AUTS2: variants seen among roughly 807,000 people sequenced by gnomAD.
AUTS2 encodes the protein autism susceptibility gene 2 protein.
AUTS2 carries 17 observed loss-of-function variants against 112.4 expected under a neutral mutation model. The observed-to-expected ratio is 0.15, with a 90% CI of 0.10 to 0.23. The LOEUF is 0.23. Ranked by LOEUF, AUTS2 falls within the 10% of genes least tolerant of loss-of-function variation. The pLI, the probability that AUTS2 is intolerant of heterozygous loss-of-function variation, is 1.00. For missense variants in AUTS2, 1,510 were observed against 1,701.6 expected (o/e 0.89, Z 1.98); for synonymous variants, 751 against 702.7 (o/e 1.07, Z -1.09).
chr7:70,603,585 G>A (rs1803584329), intron 5 of AUTS2, among the ~76,000 whole-genome samples: 1 of 152,160 alleles, frequency 6.6e-6, no homozygotes, highest in Non-Finnish European at 1.5e-5. Flanking sequence ...GCTTGAGAGA[G>A]GGTCAAAGTG....
At chr7:69,636,360 A>T (rs1794519813) in intron 1 of AUTS2, among the ~76,000 whole-genome samples, 1 of 151,962 alleles carries the variant, frequency 6.6e-6, no homozygotes, top group Non-Finnish European at 1.5e-5. Flanking sequence ...CCTCCTGAGT[A>T]CGTAGCTAGG....
At chr7:70,523,706 G>A (rs756482801) in intron 5 of AUTS2, among the ~76,000 whole-genome samples, 6 of 152,306 alleles carry the variant, frequency 3.9e-5, no homozygotes, top group Non-Finnish European at 7.4e-5. Context: ...GATTCAGAAG[G>A]TAAGATGGCG....
intron 4 of AUTS2, among the ~76,000 whole-genome samples, chr7:70,162,916 G>T (rs1339848576): frequency 6.6e-6 from 1 of 152,138 alleles, no homozygotes; most frequent in Non-Finnish European, 1.5e-5. Context: ...TGGAAGCTAA[G>T]AAATAATTTC....
chr7:70,728,255 T>G (rs1585581739), intron 6 of AUTS2, among the ~76,000 whole-genome samples: 1 of 152,220 alleles, frequency 6.6e-6, no homozygotes, highest in Non-Finnish European at 1.5e-5. Context: ...AGCATATAAT[T>G]CTTTTTAAAT....
At chr7:70,596,708 C>T (rs1392398419) in intron 5 of AUTS2, 1 of 152,284 alleles carries the variant, frequency 6.6e-6, no homozygotes, top group African/African-American at 2.4e-5. Context: ...CGGATCGCAG[C>T]ACCAGCAGCC....
At chr7:70,459,385 A>G (rs768076170) in intron 5 of AUTS2, among the ~76,000 whole-genome samples, 4 of 152,202 alleles carry the variant, frequency 2.6e-5, no homozygotes, top group Non-Finnish European at 5.9e-5. Flanking sequence ...TGGTACCTTC[A>G]ACTCTTTTTG....
chr7:70,508,468 C>T (rs573245861), intron 5 of AUTS2, among the ~76,000 whole-genome samples: 11 of 152,254 alleles, frequency 7.2e-5, no homozygotes, highest in Admixed American at 5.2e-4. Flanking sequence ...TTCTTACTTC[C>T]GCATATTGAA....
chr7:70,424,655 G>A (rs961121942), intron 4 of AUTS2, among the ~76,000 whole-genome samples: 2 of 152,114 alleles, frequency 1.3e-5, no homozygotes, highest in African/African-American at 4.8e-5. Context: ...GACATGATCA[G>A]AGCTAACTGC....
At chr7:69,742,932 CT>C (rs1787330026) in intron 1 of AUTS2, among the ~76,000 whole-genome samples, 1 of 152,132 alleles carries the variant, frequency 6.6e-6, no homozygotes, top group African/African-American at 2.4e-5. Context: ...TTTATTTGCT[CT>C]TCCCCAGATC....
At chr7:69,985,227 TAAA>T (rs71068005) in intron 2 of AUTS2, among the ~76,000 whole-genome samples, 2 of 104,708 alleles carry the variant, frequency 1.9e-5, no homozygotes, top group African/African-American at 7.3e-5. Flanking sequence ...GAAGACTCTC[TAAA>T]AAAAAAAAAA....
At chr7:69,865,927 G>A (rs564688883) in intron 1 of AUTS2, among the ~76,000 whole-genome samples, 3 of 152,236 alleles carry the variant, frequency 2.0e-5, no homozygotes, top group African/African-American at 7.2e-5. Context: ...TTATAATGGT[G>A]CTTACGTTTT....
At chr7:70,233,561 G>A (rs1812167665) in intron 4 of AUTS2, among the ~76,000 whole-genome samples, 1 of 152,118 alleles carries the variant, frequency 6.6e-6, no homozygotes, top group Non-Finnish European at 1.5e-5. Flanking sequence ...TGGAATTGCG[G>A]GCAGATACAT....
chr7:70,741,403 A>G (rs1224712917), intron 6 of AUTS2, among the ~76,000 whole-genome samples: 4 of 152,086 alleles, frequency 2.6e-5, no homozygotes, highest in African/African-American at 9.7e-5. Flanking sequence ...TGGTTAAGAA[A>G]TAAATAGGCC....
intron 4 of AUTS2, among the ~76,000 whole-genome samples, chr7:70,242,037 A>C (rs1051885451): frequency 6.6e-6 from 1 of 152,212 alleles, no homozygotes; most frequent in African/African-American, 2.4e-5. Flanking sequence ...AGACATGTGC[A>C]GAGTGACAGC....
intron 2 of AUTS2, among the ~76,000 whole-genome samples, chr7:69,973,709 A>T (rs906085158): frequency 2.0e-5 from 3 of 152,100 alleles, no homozygotes; most frequent in African/African-American, 7.2e-5. Context: ...TTTTTCTTTT[A>T]TAGCCTATTA....
At chr7:70,463,545 T>C (rs979219577) in intron 5 of AUTS2, among the ~76,000 whole-genome samples, 1 of 152,244 alleles carries the variant, frequency 6.6e-6, no homozygotes. Context: ...AATCAGCACA[T>C]TGAGCAGCCT....
intron 1 of AUTS2, among the ~76,000 whole-genome samples, chr7:69,619,823 G>T (rs898926802): frequency 1.3e-5 from 2 of 152,160 alleles, no homozygotes; most frequent in African/African-American, 4.8e-5. Flanking sequence ...GTGGGGGAGA[G>T]GTGGGTGAGT....
intron 1 of AUTS2, among the ~76,000 whole-genome samples, chr7:69,869,334 C>G (rs935356709): frequency 6.6e-5 from 10 of 152,008 alleles, no homozygotes; most frequent in Admixed American, 1.3e-4. Context: ...ATTAGCATCT[C>G]CTGCCTATCA....
At chr7:69,789,254 G>T (rs1029548999) in intron 1 of AUTS2, among the ~76,000 whole-genome samples, 3 of 152,062 alleles carry the variant, frequency 2.0e-5, no homozygotes, top group Non-Finnish European at 4.4e-5. Flanking sequence ...TCAGAATTAC[G>T]TGGGGGCACT....
Sources: allele counts gnomAD v4.1 joint callset (sites outside exome capture counted in the v4.1 genomes callset), GRCh38; gene constraint gnomAD v4.1.1; transcripts MANE v1.5; gene names NCBI Gene and HGNC (gene_info 2026-07-23, HGNC 2026-07-21).